The following PTPRM variants were observed in gnomAD, a reference collection of about 807,000 sequenced individuals.
PTPRM encodes the protein receptor-type tyrosine-protein phosphatase mu.
A neutral mutation model predicts 186.7 loss-of-function variants in PTPRM; 47 were observed. The ratio of observed to expected loss-of-function variants is 0.25; its 90% CI spans 0.20 to 0.32. The LOEUF is 0.32. Ranked by LOEUF, PTPRM falls within the 10% of genes least tolerant of loss-of-function variation. PTPRM has a pLI of 1.00. For synonymous variants in PTPRM, 668 were observed against 674.9 expected (o/e 0.99, Z 0.16); for missense variants, 1,494 against 1,865.0 (o/e 0.80, Z 3.66).
chr18:7,657,827 A>G (rs1279421878), intron 1 of PTPRM, among the ~76,000 whole-genome samples: 2 of 152,214 alleles, frequency 1.3e-5, no homozygotes, highest in Non-Finnish European at 2.9e-5. Flanking sequence ...CCCAGGGAAC[A>G]ATGAGGATTT....
chr18:8,333,893 G>T (rs1051329448), intron 22 of PTPRM, among the ~76,000 whole-genome samples: 11 of 152,100 alleles, frequency 7.2e-5, no homozygotes, highest in Admixed American at 5.9e-4. Context: ...CCAGAACCAC[G>T]CTAGAAACAA....
At chr18:7,911,991 T>G (rs1414043561) in intron 4 of PTPRM, among the ~76,000 whole-genome samples, 1 of 151,866 alleles carries the variant, frequency 6.6e-6, no homozygotes, top group Admixed American at 6.6e-5. Context: ...TAGCTGTGAT[T>G]ACAGGTGTCT....
At chr18:8,354,504 G>C (rs1368900950) in intron 23 of PTPRM, among the ~76,000 whole-genome samples, 1 of 152,214 alleles carries the variant, frequency 6.6e-6, no homozygotes, top group Non-Finnish European at 1.5e-5. Context: ...AGGAATCAGA[G>C]AGCAAGGTAG....
intron 11 of PTPRM, among the ~76,000 whole-genome samples, chr18:8,104,348 CCT>C (rs1357260010): frequency 2.8e-4 from 43 of 152,182 alleles, no homozygotes; most frequent in African/African-American, 8.4e-4. Flanking sequence ...GGGGTTTATC[CCT>C]ACTGCTTGCT....
At chr18:7,915,171 T>C (rs1273248025) in intron 4 of PTPRM, among the ~76,000 whole-genome samples, 1 of 152,148 alleles carries the variant, frequency 6.6e-6, no homozygotes, top group African/African-American at 2.4e-5. Context: ...ACCTCTATTC[T>C]TTCTTAGTAA....
intron 3 of PTPRM, among the ~76,000 whole-genome samples, chr18:7,902,905 A>G (rs758128303): frequency 1.3e-5 from 2 of 150,806 alleles, no homozygotes; most frequent in Non-Finnish European, 2.9e-5. Flanking sequence ...TAAACAAAAC[A>G]TTATGGATTA....
chr18:8,123,140 C>T (rs938907043), intron 13 of PTPRM, among the ~76,000 whole-genome samples: 1 of 152,138 alleles, frequency 6.6e-6, no homozygotes, highest in African/African-American at 2.4e-5. Flanking sequence ...CTCCAAAAGA[C>T]AAACTTTTTT....
intron 19 of PTPRM, chr18:8,270,123 C>T (rs912117168): frequency 6.6e-6 from 1 of 151,188 alleles, no homozygotes; most frequent in Non-Finnish European, 1.5e-5. Context: ...GCAAAGGAAA[C>T]AATCAACAAA....
At chr18:7,914,072 A>C (rs1043414520) in intron 4 of PTPRM, among the ~76,000 whole-genome samples, 2 of 152,164 alleles carry the variant, frequency 1.3e-5, no homozygotes, top group African/African-American at 4.8e-5. Flanking sequence ...TTTTTAATGA[A>C]GATTTATTAA....
At chr18:8,215,403 T>C (rs1162282109) in intron 14 of PTPRM, among the ~76,000 whole-genome samples, 1 of 152,050 alleles carries the variant, frequency 6.6e-6, no homozygotes. Context: ...TCTGGAAATA[T>C]GCCTATTTTC....
chr18:7,624,818 A>G (rs1598559039), intron 1 of PTPRM, among the ~76,000 whole-genome samples: 1 of 152,220 alleles, frequency 6.6e-6, no homozygotes, highest in Non-Finnish European at 1.5e-5. Flanking sequence ...AGTAGTATCT[A>G]CTGCATGAGA....
At chr18:7,727,083 G>C (rs2040564363) in intron 1 of PTPRM, among the ~76,000 whole-genome samples, 2 of 152,016 alleles carry the variant, frequency 1.3e-5, no homozygotes, top group Non-Finnish European at 2.9e-5. Flanking sequence ...CTGTCAATTA[G>C]AGCTGTGAAA....
chr18:8,396,006 G>A (rs564879698), intron 32 of PTPRM, among the ~76,000 whole-genome samples: 12 of 152,290 alleles, frequency 7.9e-5, no homozygotes, highest in African/African-American at 2.9e-4. Flanking sequence ...TCTGCCAGGC[G>A]TGATGCCATC....
intron 9 of PTPRM, 79 bp downstream of exon 9, chr18:8,076,643 A>G (rs2148485643): frequency 1.5e-6 from 1 of 679,508 alleles, no homozygotes; most frequent in Non-Finnish European, 2.5e-6. Context: ...GTATTTAAAA[A>G]TGCATACTTA....
At chr18:7,652,383 C>G (rs1383397039) in intron 1 of PTPRM, among the ~76,000 whole-genome samples, 1 of 152,026 alleles carries the variant, frequency 6.6e-6, no homozygotes, top group South Asian at 2.1e-4. Flanking sequence ...TACCATTTGA[C>G]CCAGCCATCC....
At chr18:8,108,991 A>G (rs1397263350) in intron 11 of PTPRM, among the ~76,000 whole-genome samples, 1 of 152,236 alleles carries the variant, frequency 6.6e-6, no homozygotes, top group Non-Finnish European at 1.5e-5. Context: ...GAAATTTCTG[A>G]TCAGTTTTCT....
chr18:8,310,393 C>A (rs551221987), intron 20 of PTPRM, among the ~76,000 whole-genome samples: 133 of 150,886 alleles, frequency 8.8e-4, no homozygotes, highest in Non-Finnish European at 1.6e-3. Flanking sequence ...AATGACCTGG[C>A]CTTCCCTCCT....
rs199848221 is a variant in PTPRM at position 7,949,193 on chromosome 18, C to G, written c.676C>G (p.Arg226Gly). ...CCACTTGATACAGGGCATTGATGTG[C>G]GAGATGCTCCTCTGAAGGAAATCAA... ...DRLWLQGIDV[R>G]DAPLKEIKVT... is the part of the protein sequence containing the mutation. Residue 226 changes from arginine to glycine, a missense_variant, in exon 6 of 33, where the codon CGA (arginine) becomes GGA (glycine). Arg to Gly is a moderately radical substitution (Grantham distance 125). This residue lies in a region of PTPRM where 296 missense variants were observed against 345.5 expected (regional missense o/e 0.86). Transcript: ENST00000580170. 1.4e-4 allele frequency: 220 copies of G among 1,605,962 alleles called. No homozygotes were observed. In the Admixed American group the frequency reaches 1.9e-3, roughly 14 times the overall value.
chr18:8,185,175 AG>A (rs1014977262), intron 14 of PTPRM, among the ~76,000 whole-genome samples: 2 of 149,594 alleles, frequency 1.3e-5, no homozygotes, highest in African/African-American at 4.9e-5. Flanking sequence ...TAAAAAAAAA[AG>A]ATAGTTTCTA....
Sources: gnomAD v4.1 joint callset for allele counts (sites outside exome capture counted in the v4.1 genomes callset) on GRCh38, gnomAD v4.1.1 for gene constraint, gnomAD v4.1.1 regional missense constraint, MANE v1.5 for transcripts, NCBI Gene and HGNC (gene_info 2026-07-23, HGNC 2026-07-21) for gene names.